The following MOCS1 variants were observed in gnomAD, a reference collection of about 807,000 sequenced individuals.
MOCS1 encodes the protein molybdenum cofactor biosynthesis protein 1.
A neutral mutation model predicts 57.6 loss-of-function variants in MOCS1; 39 were observed. The observed-to-expected ratio is 0.68, with a 90% CI of 0.52 to 0.88. MOCS1 has a LOEUF of 0.88. Among genes scored for constraint, MOCS1 ranks in the 40% least tolerant of loss-of-function variants. The probability of loss-of-function intolerance (pLI) is 0.00; values close to 1 mark genes in which losing one functional copy is unlikely to be tolerated. For synonymous variants in MOCS1, 334 were observed against 335.7 expected (o/e 1.00, Z 0.05); for missense variants, 795 against 831.1 (o/e 0.96, Z 0.53).
At chr6:39,931,338 T>C (rs1284254628) in intron 1 of MOCS1, among the ~76,000 whole-genome samples, 2 of 152,088 alleles carry the variant, frequency 1.3e-5, no homozygotes, top group African/African-American at 4.8e-5. Context: ...AGCTCCAAAG[T>C]CTAAACAGAG....
intron 3 of MOCS1, among the ~76,000 whole-genome samples, chr6:39,916,819 A>G (rs1325003005): frequency 6.6e-6 from 1 of 152,198 alleles, no homozygotes; most frequent in African/African-American, 2.4e-5. Context: ...AAAGAGAGAA[A>G]GCAGATGGAA....
In MOCS1 at chr6:39,907,110, A is replaced by G. The variant is rs780527524; in HGVS notation, c.1158T>C (p.Phe386=). The G allele has an allele frequency of 1.2e-6, 2 of 1,611,028 alleles. No homozygotes were observed. Among genetic ancestry groups the G allele is most frequent in the African/African-American group, 1.3e-5 (1 of 74,830 alleles). The change falls in exon 11 of 11, where the codon TTT becomes TTC. Residue 386 remains phenylalanine (F), a synonymous_variant. Coordinates refer to ENST00000340692, the MANE Select transcript of MOCS1 (RefSeq NM_001358530.2). The part of the protein sequence containing the change: ...KNRPMILIEL[F]LMFPNSPPAN... ...CTGGTGGGGAATTGGGGAACATCAAAAATAACTCTGCAAGGCAAGAAGAAA... is the reference window on the plus strand; with the variant it reads ...CTGGTGGGGAATTGGGGAACATCAAGAATAACTCTGCAAGGCAAGAAGAAA...
Position 39,906,441 on chromosome 6 carries a change from C to G in MOCS1, c.1827G>C (p.Lys609Asn). 1.2e-6 allele frequency: 2 copies of G among 1,610,918 alleles called. No homozygotes were observed. The highest frequency in any genetic ancestry group is 1.7e-6 in the Non-Finnish European group (2 of 1,177,416). ...VAALTLYDMC[K>N]AVSRDIVLEE... ...CCAACACGATGTCCCTGCTGACAGC[C>G]TTGCACATGTCATACAGGGTGAGGG... Residue 609 changes from lysine to asparagine, a missense_variant, in exon 11 of 11, where the codon AAG (lysine) becomes AAC (asparagine). Around this residue, in one of 3 missense-constraint regions of MOCS1, gnomAD observed 374 missense variants for 422.6 expected, o/e 0.89. Transcript: ENST00000340692.
At chr6:39,932,280 A>G (rs1369738067) in intron 1 of MOCS1, 1 of 152,260 alleles carries the variant, frequency 6.6e-6, no homozygotes, top group African/African-American at 2.4e-5. Flanking sequence ...AGATGAGCAG[A>G]ACATATCCAT....
chr6:39,926,908 C>A (rs756259478), intron 2 of MOCS1, among the ~76,000 whole-genome samples: 1 of 150,578 alleles, frequency 6.6e-6, no homozygotes, highest in Non-Finnish European at 1.5e-5. Flanking sequence ...TGATTTGTCA[C>A]GGGACTGGGG....
intron 8 of MOCS1, among the ~76,000 whole-genome samples, chr6:39,910,794 C>T (rs115734272): frequency 1.2e-4 from 18 of 152,338 alleles, no homozygotes; most frequent in Middle Eastern, 3.4e-3. Flanking sequence ...AAAGAGGTTC[C>T]TCCTGTGGAC....
chr6:39,913,891 AC>A, intron 4 of MOCS1, 56 bp from the exon 5 acceptor site: 1 of 1,549,010 alleles, frequency 6.5e-7, no homozygotes, highest in Non-Finnish European at 8.9e-7. Context: ...CTTCCCCCAC[AC>A]CCCCACAGAA....
rs1766931372 is a variant in MOCS1 at position 39,906,345 on chromosome 6, GAAGGGCAGGTGCTA to G, written c.1909_*11del. On this transcript the variant is annotated stop_lost and 3_prime_UTR_variant, in exon 11 of 11. Transcript: ENST00000340692. ...CCAGGCCTGGGTGGGCCATGGGTGA[GAAGGGCAGGTGCTA>G]AGCCCGATGGAAGTCCCCCCGCTGA... The G allele has an allele frequency of 3.8e-6, 6 of 1,597,158 alleles. No homozygotes were observed. The East Asian group carries it at 1.3e-4, about 36-fold the overall frequency.
At chr6:39,910,308 C>T (rs545456980) in intron 8 of MOCS1, among the ~76,000 whole-genome samples, 1 of 152,290 alleles carries the variant, frequency 6.6e-6, no homozygotes, top group East Asian at 1.9e-4. Context: ...ATGAGAATGG[C>T]CCCCAACCAG....
intron 7 of MOCS1, among the ~76,000 whole-genome samples, chr6:39,912,633 GAAGC>G (rs1371710592): frequency 2.6e-5 from 4 of 152,206 alleles, no homozygotes; most frequent in Admixed American, 2.6e-4. Context: ...AGTCTGCGTG[GAAGC>G]GGGATGAGCA....
chr6:39,913,804 C>A lies in MOCS1; in HGVS notation c.615G>T (p.Lys205Asn). 3 of 1,614,202 alleles carry A rather than the reference C, an allele frequency of 1.9e-6. No individual in the cohort carries two copies. Among genetic ancestry groups the A allele is most frequent in the Non-Finnish European group, 2.5e-6 (3 of 1,180,046 alleles). ...CAGGGTTGTAGCCCAGCTCGATGGC[C>A]TTGTGGATGCCCTCCATGACCTTGT... is the stretch of plus-strand genomic sequence containing the variant. ...GFHKVMEGIH[K>N]AIELGYNPVK... Residue 205 changes from lysine (K) to asparagine (N), a missense_variant, in exon 5 of 11, where the codon AAG (lysine) becomes AAT (asparagine). By Grantham distance (94) the Lys-to-Asn change is moderately conservative (BLOSUM62 0). Coordinates refer to ENST00000340692, the MANE Select transcript of MOCS1 (RefSeq NM_001358530.2).
chr6:39,923,325 G>A (rs912879186), intron 3 of MOCS1, among the ~76,000 whole-genome samples: 13 of 152,222 alleles, frequency 8.5e-5, no homozygotes. Context: ...GGTGGGGAAG[G>A]AACCTGCACA....
At chr6:39,913,493 TG>T in intron 5 of MOCS1, 65 bp from the exon 6 acceptor site, 1 of 1,421,800 alleles carries the variant, frequency 7.0e-7, no homozygotes, top group Non-Finnish European at 9.9e-7. Flanking sequence ...AGATGACCCT[TG>T]GGGGCCTGGC....
rs147315667 is a variant in MOCS1, at chr6:39,918,653, C to T, written c.419-2421G>A. ...CCCAAAATGACTCTATAAAATCATA[C>T]ATTAGGGTGTAGGGAAATGCACGCA... is the stretch of plus-strand genomic sequence containing the variant. On this transcript the variant is annotated intron_variant, in intron 3 of 10. Coordinates refer to ENST00000340692, the MANE Select transcript of MOCS1 (RefSeq NM_001358530.2). Among the ~76,000 whole-genome samples, 484 of 152,182 alleles carry T rather than the reference C, an allele frequency of 3.2e-3. 3 individuals carry two copies. Among genetic ancestry groups the T allele is most frequent in the African/African-American group, 0.011 (464 of 41,506 alleles).
chr6:39,914,520 A>G (rs1043137675), intron 4 of MOCS1, among the ~76,000 whole-genome samples: 2 of 152,162 alleles, frequency 1.3e-5, no homozygotes, highest in Non-Finnish European at 2.9e-5. Flanking sequence ...ACCACAGTCA[A>G]TGTGACCCCA....
chr6:39,934,345 C>A lies in MOCS1; in HGVS notation c.73G>T (p.Ala25Ser), dbSNP rs769056944. 2 of 1,553,178 alleles carry A rather than the reference C, an allele frequency of 1.3e-6. No homozygotes were observed. Among genetic ancestry groups the A allele is most frequent in the South Asian group, 2.4e-5 (2 of 84,782 alleles). The change falls in exon 1 of 11, where the codon GCT becomes TCT. Residue 25 changes from alanine to serine, a missense_variant. Transcript: ENST00000340692. ...RSSARSCSSG[A>S]PVTQPCPGES... Reference sequence around the variant, plus strand: ...CCGGGGCAGGGCTGGGTCACCGGAGCCCCTGAGCTGCAGCTCCGGGCGCTG... The same window carrying A: ...CCGGGGCAGGGCTGGGTCACCGGAGACCCTGAGCTGCAGCTCCGGGCGCTG...
intron 4 of MOCS1, among the ~76,000 whole-genome samples, chr6:39,915,191 C>A (rs1767585767): frequency 6.6e-6 from 1 of 152,208 alleles, no homozygotes. Context: ...TATGTGTCTT[C>A]TGTCCCCTCC....
intron 1 of MOCS1, among the ~76,000 whole-genome samples, chr6:39,927,905 C>T (rs527959713): frequency 6.6e-6 from 1 of 152,242 alleles, no homozygotes; most frequent in African/African-American, 2.4e-5. Context: ...CACTCTTTCC[C>T]ATGTACAAGT....
rs1562080803 is a variant in MOCS1, at chr6:39,905,926, T to A, written c.*431A>T. 1 of 464,208 alleles carries A rather than the reference T, an allele frequency of 2.2e-6. No individual in the cohort carries two copies. The highest frequency in any genetic ancestry group is 7.1e-5 in the East Asian group (1 of 14,118). 28.8% of individuals were successfully genotyped at this position (464,208 alleles called of 1,614,324 possible). On this transcript the variant is annotated 3_prime_UTR_variant, in exon 11 of 11. Transcript: ENST00000340692. ...CTTCAGGCAAGCTTGTGCTTTGCTC[T>A]CCTCAAAGTGGGCTCCTCTGCTTAA...
Sources: allele counts gnomAD v4.1 joint callset (sites outside exome capture counted in the v4.1 genomes callset), GRCh38; gene constraint gnomAD v4.1.1; regional missense constraint gnomAD v4.1.1; transcripts MANE v1.5; gene names NCBI Gene and HGNC (gene_info 2026-07-23, HGNC 2026-07-21).